The following DMD variants were observed in gnomAD, a reference collection of about 807,000 sequenced individuals.
The protein encoded by DMD is mutant dystrophin.
A neutral mutation model predicts 330.1 loss-of-function variants in DMD; 63 were observed. The observed-to-expected ratio is 0.19, with a 90% CI of 0.16 to 0.24. DMD has a LOEUF of 0.24. Among genes scored for constraint, DMD ranks in the 10% least tolerant of loss-of-function variants. DMD has a pLI of 1.00. For synonymous variants in DMD, 1,223 were observed against 959.8 expected (o/e 1.27, Z -5.07); for missense variants, 3,344 against 2,684.1 (o/e 1.25, Z -5.43).
intron 44 of DMD, among the ~76,000 whole-genome samples, chrX:32,178,312 A>T: frequency 9.1e-6 from 1 of 110,281 alleles, no homozygotes; most frequent in East Asian, 2.8e-4. Context: ...ATGCATTCCT[A>T]ATATGTGTTT....
intron 45 of DMD, among the ~76,000 whole-genome samples, chrX:31,942,969 A>T (rs1008386680): frequency 1.3e-4 from 15 of 112,221 alleles, no homozygotes; most frequent in African/African-American, 4.9e-4. Context: ...TATAAAATTA[A>T]CGAAATTCAA....
At position 31,120,107 on chromosome X, in the gene DMD, A is replaced by ATGTC. The variant is rs1229595227; in HGVS notation, c.*1808_*1811dup. On this transcript the variant is annotated 3_prime_UTR_variant, in exon 79 of 79. Coordinates refer to ENST00000357033, the MANE Select transcript of DMD (RefSeq NM_004006.3). ...ACTCTCCAAAAGCTAATTACACTTGATGTCAGAGGTAACAGATTTGCAAAA... is the reference window on the plus strand; with the variant it reads ...ACTCTCCAAAAGCTAATTACACTTGATGTCTGTCAGAGGTAACAGATTTGCAAAA... 8.9e-6 allele frequency: 1 copy of ATGTC among 111,870 alleles called. No homozygotes were observed. Among genetic ancestry groups the ATGTC allele is most frequent in the Non-Finnish European group, 1.9e-5 (1 of 53,074 alleles). 9.2% of individuals were successfully genotyped at this position (111,870 alleles called of 1,213,427 possible). A position where few individuals can be genotyped will look rare whatever the true frequency, so the allele number is the denominator to read the frequency against.
chrX:32,554,957 G>GAGAGAGAA (rs2050130063), intron 16 of DMD, among the ~76,000 whole-genome samples: 1 of 73,842 alleles, frequency 1.4e-5, no homozygotes, highest in African/African-American at 4.1e-5. Context: ...GAGAGGGAGA[G>GAGAGAGAA]AGAAAGAAAG....
At chrX:31,709,846 C>T (rs977642101) in intron 52 of DMD, among the ~76,000 whole-genome samples, 2 of 111,233 alleles carry the variant, frequency 1.8e-5, no homozygotes, top group Non-Finnish European at 3.8e-5. Flanking sequence ...TCTATCTCTA[C>T]TTTGATATCT....
chrX:32,348,558 C>G (rs760266703), intron 37 of DMD, 30 bp from the exon 38 acceptor site: 3 of 1,157,578 alleles, frequency 2.6e-6, no homozygotes, highest in East Asian at 6.2e-5. Flanking sequence ...TACTTTAAAT[C>G]AAAATTACTT....
chrX:32,546,853 A>C lies in DMD; in HGVS notation c.1993-1519T>G, dbSNP rs2049014692. On this transcript the variant is annotated intron_variant, in intron 16 of 78. Transcript: ENST00000357033. ...GCAGAAAGCAACATAGCTCTAAAAAAAGCTTAAAATATAAACTCAAACATT... is the reference window on the plus strand; with the variant it reads ...GCAGAAAGCAACATAGCTCTAAAAACAGCTTAAAATATAAACTCAAACATT... Among the ~76,000 whole-genome samples, 3 of 111,860 alleles carry C rather than the reference A, an allele frequency of 2.7e-5. No homozygotes were observed. The South Asian group carries it at 1.1e-3, about 41-fold the overall frequency.
chrX:33,263,112 A>T (rs2052986290), intron 1 of DMD, among the ~76,000 whole-genome samples: 1 of 110,668 alleles, frequency 9.0e-6, no homozygotes, highest in Admixed American at 9.7e-5. Context: ...CAAGTACGGC[A>T]AAATGTTATA....
chrX:32,797,707 T>C (rs1455424584), intron 7 of DMD, among the ~76,000 whole-genome samples: 1 of 111,962 alleles, frequency 8.9e-6, no homozygotes, highest in East Asian at 2.8e-4. Flanking sequence ...TAGAACCTCA[T>C]GGCTGCATTT....
At chrX:32,658,815 CT>C (rs2060760243) in intron 9 of DMD, among the ~76,000 whole-genome samples, 1 of 111,699 alleles carries the variant, frequency 9.0e-6, no homozygotes, top group South Asian at 3.7e-4. Flanking sequence ...ATTCGGGAAA[CT>C]TTAAGTCGGC....
intron 18 of DMD, among the ~76,000 whole-genome samples, chrX:32,511,525 A>T (rs228325): frequency 1.8e-4 from 6 of 34,136 alleles, no homozygotes; most frequent in East Asian, 1.2e-3. Flanking sequence ...CCGTCTCGGG[A>T]AAAAAAAAAA....
chrX:33,097,154 A>G (rs1344544669), intron 1 of DMD, among the ~76,000 whole-genome samples: 1 of 111,321 alleles, frequency 9.0e-6, no homozygotes, highest in Admixed American at 9.7e-5. Flanking sequence ...CACATAAACT[A>G]TGATTCTTAG....
At chrX:32,193,069 G>A (rs764845871) in intron 44 of DMD, among the ~76,000 whole-genome samples, 82 of 111,210 alleles carry the variant, frequency 7.4e-4, no homozygotes, top group Admixed American at 2.8e-3. Context: ...CTGTTTACAC[G>A]TGTGTGGTAC....
chrX:31,779,114 C>A (rs1185177744), intron 50 of DMD, among the ~76,000 whole-genome samples: 2 of 111,552 alleles, frequency 1.8e-5, no homozygotes, highest in Admixed American at 9.5e-5. Context: ...AAGGATATTT[C>A]CTGTTAAGTC....
chrX:32,467,921 A>T (rs2040216184), intron 23 of DMD, among the ~76,000 whole-genome samples: 2 of 110,202 alleles, frequency 1.8e-5, no homozygotes, highest in South Asian at 7.6e-4. Context: ...TCTACTGCAC[A>T]TATACATATA....
chrX:32,831,133 C>T (rs2079117614), intron 4 of DMD, among the ~76,000 whole-genome samples: 2 of 110,615 alleles, frequency 1.8e-5, no homozygotes, highest in Admixed American at 1.9e-4. Flanking sequence ...GGTACTCTAC[C>T]TCCTAAATGA....
rs2072701898 is a variant in DMD, at chrX:31,521,000, G to A, written c.8218-13547C>T. On this transcript the variant is annotated intron_variant, in intron 55 of 78. Transcript: ENST00000357033. ...CGGCCGCAATGCTCTTTTCAACTGA[G>A]AACAAGTACATTTGGAAAATCATCC... 2.7e-5 allele frequency among the ~76,000 whole-genome samples: 3 copies of A among 111,289 alleles called. No individual in the cohort carries two copies. The South Asian group carries it at 1.1e-3, about 42-fold the overall frequency.
intron 44 of DMD, among the ~76,000 whole-genome samples, chrX:32,193,128 C>T (rs1317759789): frequency 1.8e-5 from 2 of 111,315 alleles, no homozygotes; most frequent in African/African-American, 6.6e-5. Flanking sequence ...AGTGCCTGCT[C>T]CCGTTCTGCC....
At chrX:31,675,321 T>C (rs1157216703) in intron 53 of DMD, among the ~76,000 whole-genome samples, 1 of 111,941 alleles carries the variant, frequency 8.9e-6, no homozygotes, top group Non-Finnish European at 1.9e-5. Flanking sequence ...TCCGGTTTTA[T>C]TTCTGTTCTG....
Position 32,740,245 on chromosome X carries a change from A to G in DMD, c.650-40952T>C, listed in dbSNP as rs149851219. On this transcript the variant is annotated intron_variant, in intron 7 of 78. Transcript: ENST00000357033. Reference sequence around the variant, plus strand: ...CGCCTACCAATCTATAGTGACATGAAGTTTGGCGGGAAGAAAATTCTATTC... The same window carrying G: ...CGCCTACCAATCTATAGTGACATGAGGTTTGGCGGGAAGAAAATTCTATTC... Among the ~76,000 whole-genome samples, 562 of 110,460 alleles carry G rather than the reference A, an allele frequency of 5.1e-3. 3 individuals are homozygous for G. Among genetic ancestry groups the G allele is most frequent in the Non-Finnish European group, 8.8e-3 (466 of 52,957 alleles).
Sources: gnomAD v4.1 joint callset for allele counts (sites outside exome capture counted in the v4.1 genomes callset) on GRCh38, gnomAD v4.1.1 for gene constraint, MANE v1.5 for transcripts, NCBI Gene and HGNC (gene_info 2026-07-23, HGNC 2026-07-21) for gene names.